OR6K3: variants seen among roughly 807,000 people sequenced by gnomAD.
OR6K3 encodes the protein olfactory receptor 6K3.
For missense variants in OR6K3, 396 were observed against 382.5 expected, an observed-to-expected ratio of 1.04 and a Z score of -0.29; for synonymous variants, 169 against 137.7, an observed-to-expected ratio of 1.23 and a Z score of -1.59.
In OR6K3 at chr1:158,717,918, A is replaced by ACATATACTGAT. The variant is rs1656202291; in HGVS notation, c.197_198insATCAGTATATG (p.Phe66LeufsTer33). On this transcript the variant is annotated frameshift_variant, in exon 2 of 2. Coordinates refer to ENST00000368145, the MANE Select transcript of OR6K3 (RefSeq NM_001005327.3). LOFTEE classifies it low-confidence loss of function (END_TRUNC). ...TGGTGTACCAGATCTCCAGAAAGGA[A>ACATATACTGAT]AATATACTGATAAAATTATACATGG... 1.2e-6 allele frequency: 2 copies of ACATATACTGAT among 1,613,668 alleles called. No homozygotes were observed. Among genetic ancestry groups the ACATATACTGAT allele is most frequent in the African/African-American group, 1.3e-5 (1 of 74,882 alleles).
chr1:158,717,810 A>ATG lies in OR6K3; in HGVS notation c.305_306insCA (p.Phe103IlefsTer14), dbSNP rs1384059234. The ATG allele has an allele frequency of 6.2e-7, 1 of 1,613,726 alleles. No individual in the cohort carries two copies. Among genetic ancestry groups the ATG allele is most frequent in the Non-Finnish European group, 8.5e-7 (1 of 1,179,840 alleles). ...CTGAGTTTTCAAGTGAGTGGAAGAA[A>ATG]TACATCTGCAAGATGCAGCCAGTCA... On this transcript the variant is annotated frameshift_variant, in exon 2 of 2. Transcript: ENST00000368145. LOFTEE classifies it low-confidence loss of function (END_TRUNC).
At chr1:158,723,554 T>C (rs1472481917), upstream of OR6K3, among the ~76,000 whole-genome samples, 2 of 152,084 alleles carry the variant, frequency 1.3e-5, no homozygotes, top group African/African-American at 4.8e-5. Flanking sequence ...CTCTGTGTTT[T>C]GCACATTCTC....
Position 158,717,371 on chromosome 1 carries a change from T to A in OR6K3, c.745A>T (p.Ile249Leu). The change falls in exon 2 of 2, where the codon ATA becomes TTA. Residue 249 changes from isoleucine (I) to leucine (L), a missense_variant. Ile to Leu is a conservative substitution (Grantham distance 5). Transcript: ENST00000368145. ...TCAGHLMVFP[I>L]FFGSVSLMYL... ...ATGAGTGATACACTGCCAAAGAATATCGGGAAGACCATGAGGTGGCCTGCA... is the reference window on the plus strand; with the variant it reads ...ATGAGTGATACACTGCCAAAGAATAACGGGAAGACCATGAGGTGGCCTGCA... 6.2e-7 allele frequency: 1 copy of A among 1,613,698 alleles called. No individual in the cohort carries two copies. The highest frequency in any genetic ancestry group is 1.1e-5 in the South Asian group (1 of 91,070).
chr1:158,724,807 AG>A (rs1656352882), upstream of OR6K3: 1 of 219,316 alleles, frequency 4.6e-6, no homozygotes, highest in Non-Finnish European at 9.8e-6. Flanking sequence ...CCTGCTGATG[AG>A]GATGGAGAGC....
Position 158,717,581 on chromosome 1 carries a change from A to G in OR6K3, c.535T>C (p.Cys179Arg), listed in dbSNP as rs1656182747. The G allele has an allele frequency of 1.2e-6, 2 of 1,613,858 alleles. No individual in the cohort carries two copies. The highest frequency in any genetic ancestry group is 1.7e-6 in the Non-Finnish European group (2 of 1,179,838). Residue 179 changes from cysteine (C) to arginine (R), a missense_variant, in exon 2 of 2, where the codon TGT becomes CGT. Transcript: ENST00000368145. The part of the protein sequence containing the change: ...CGPNQIHQIF[C>R]DLVPVLSLAC... ...AGGCTTAGCACAGGGACCAAGTCAC[A>G]GAAGATCTGATGGATTTGGTTGGGC...
At chr1:158,722,953 C>T (rs1205810700), upstream of OR6K3, among the ~76,000 whole-genome samples, 2 of 151,966 alleles carry the variant, frequency 1.3e-5, no homozygotes, top group South Asian at 4.2e-4. Flanking sequence ...TTTAGGTAAA[C>T]TTATAGATAT....
rs1006113263 is a variant in OR6K3 at position 158,717,069 on chromosome 1, G to C, written c.*99C>G. The C allele has an allele frequency of 3.6e-6, 3 of 837,742 alleles. No individual in the cohort carries two copies. The African/African-American group carries it at 5.1e-5, about 14-fold the overall frequency. 51.9% of individuals were successfully genotyped at this position (837,742 alleles called of 1,614,324 possible). A position where few individuals can be genotyped will look rare whatever the true frequency, so the allele number is the denominator to read the frequency against. On this transcript the variant is annotated 3_prime_UTR_variant, in exon 2 of 2. Transcript: ENST00000368145. The stretch of plus-strand genomic sequence containing the variant: ...GGAGGTGGAGGTTGCAGTGAGCCAA[G>C]ATCATGCCATTGCACTCCAGCCCAG...
chr1:158,724,890 G>T (rs1261641074), upstream of OR6K3: 3 of 215,572 alleles, frequency 1.4e-5, no homozygotes, highest in Non-Finnish European at 1.0e-5. Flanking sequence ...TATACATGGG[G>T]TTGTGGAGAC....
upstream of OR6K3, among the ~76,000 whole-genome samples, chr1:158,723,148 T>C (rs1039051895): frequency 4.6e-5 from 7 of 152,132 alleles, no homozygotes; most frequent in African/African-American, 1.7e-4. Flanking sequence ...CTAGTGGCAA[T>C]GCATAGACAT....
chr1:158,723,738 C>A (rs1257119139), upstream of OR6K3, among the ~76,000 whole-genome samples: 1 of 152,022 alleles, frequency 6.6e-6, no homozygotes, highest in Non-Finnish European at 1.5e-5. Flanking sequence ...AAACCTTAAC[C>A]TCTTCTGCAG....
chr1:158,718,018 A>G lies in OR6K3; in HGVS notation c.98T>C (p.Phe33Ser). 6.2e-7 allele frequency: 1 copy of G among 1,612,972 alleles called. No individual in the cohort carries two copies. Among genetic ancestry groups the G allele is most frequent in the Non-Finnish European group, 8.5e-7 (1 of 1,179,244 alleles). Residue 33 changes from phenylalanine (F) to serine (S), a missense_variant, in exon 2 of 2, where the codon TTC becomes TCC. Coordinates refer to ENST00000368145, the MANE Select transcript of OR6K3 (RefSeq NM_001005327.3). ...GSLLYFFPLL[F>S]IYTFIIIDNL... The stretch of plus-strand genomic sequence containing the variant: ...ATCAATGATAATAAAAGTATAGATG[A>G]AAAGTAAAGGAAAGAAGTACAGGAG...
chr1:158,723,991 A>G (rs759249157), upstream of OR6K3: 2 of 152,120 alleles, frequency 1.3e-5, no homozygotes, highest in Non-Finnish European at 2.9e-5. Flanking sequence ...ATACATGTAC[A>G]TGGGAAGAAC....
upstream of OR6K3, chr1:158,724,552 C>T (rs1280773377): frequency 3.8e-6 from 1 of 263,948 alleles, no homozygotes. Flanking sequence ...TTGGTTGGGT[C>T]CACAGAAGGG....
Position 158,716,982 on chromosome 1 carries a change from G to T in OR6K3, c.*186C>A. 3 of 528,482 alleles carry T rather than the reference G, an allele frequency of 5.7e-6. No individual in the cohort carries two copies. The highest frequency in any genetic ancestry group is 6.6e-5 in the East Asian group (2 of 30,448). 32.7% of individuals were successfully genotyped at this position (528,482 alleles called of 1,614,324 possible). On this transcript the variant is annotated 3_prime_UTR_variant, in exon 2 of 2. Transcript: ENST00000368145. ...AAAATACAAAAATTAGCTGGGTGTG[G>T]TGGTGCATGCCTGTAATCGCGGCTA... is the stretch of plus-strand genomic sequence containing the variant.
upstream of OR6K3, chr1:158,724,597 A>G (rs1023683350): frequency 8.1e-6 from 2 of 248,032 alleles, no homozygotes; most frequent in Non-Finnish European, 1.8e-5. Flanking sequence ...TGGGAGCAAC[A>G]CAAGAAAGCC....
chr1:158,722,449 T>C (rs1415742922), upstream of OR6K3, among the ~76,000 whole-genome samples: 1 of 152,012 alleles, frequency 6.6e-6, no homozygotes, highest in Non-Finnish European at 1.5e-5. Flanking sequence ...TGAACACAGC[T>C]CAGTGGATAA....
At position 158,717,753 on chromosome 1, in the gene OR6K3, G is replaced by A; in HGVS notation, c.363C>T (p.Asp121=). The part of the protein sequence containing the change: ...EGILLTTMAI[D]RYVAICNPLR... ...GAGGGTTGCAGATGGCAACGTATCT[G>A]TCAATGGCCATGGTGGTCAGCAAGA... The change falls in exon 2 of 2, where the codon GAC becomes GAT. Residue 121 remains aspartate, a synonymous_variant. Transcript: ENST00000368145. The A allele has an allele frequency of 6.2e-7, 1 of 1,613,818 alleles. No individual in the cohort carries two copies. The highest frequency in any genetic ancestry group is 8.5e-7 in the Non-Finnish European group (1 of 1,179,828).
chr1:158,719,687 CTGTGACTTAACA>C, intron 1 of OR6K3, among the ~76,000 whole-genome samples: 1 of 152,204 alleles, frequency 6.6e-6, no homozygotes, highest in South Asian at 2.1e-4. Context: ...CTTACCAGCT[CTGTGACTTAACA>C]TGAAGTTACT....
chr1:158,718,471 A>T (rs1346380412), intron 1 of OR6K3, among the ~76,000 whole-genome samples: 1 of 150,778 alleles, frequency 6.6e-6, no homozygotes, highest in African/African-American at 2.4e-5. Context: ...TTTTAATAAT[A>T]AAAAAACTAG....
Sources: allele counts gnomAD v4.1 joint callset (sites outside exome capture counted in the v4.1 genomes callset), GRCh38; gene constraint gnomAD v4.1.1; transcripts MANE v1.5; gene names NCBI Gene and HGNC (gene_info 2026-07-23, HGNC 2026-07-21).